The following PCDHGB2 variants were observed in gnomAD, a reference collection of about 807,000 sequenced individuals.
PCDHGB2 encodes the protein protocadherin gamma-B2.
Under a neutral mutation model 59.3 loss-of-function variants are expected in PCDHGB2, and 55 were observed. The ratio of observed to expected loss-of-function variants is 0.93; its 90% CI spans 0.75 to 1.16. The LOEUF (loss-of-function observed/expected upper bound fraction) is 1.16, where lower values mean the gene tolerates loss of function less well. PCDHGB2 is among the 50% of genes most tolerant of loss of function. PCDHGB2 has a pLI of 0.00. For missense variants in PCDHGB2, 1,228 were observed against 1,198.5 expected (o/e 1.02, Z -0.36); for synonymous variants, 516 against 512.0 (o/e 1.01, Z -0.11).
rs757308340 is a variant in PCDHGB2, at chr5:141,487,575, G to A, written c.2422-7232G>A. ...GCACCTATGGCAGGGGAGCCTGTTC[G>A]CCCAAGCTGCCCACCCTCTGATCTT... On this transcript the variant is annotated intron_variant, in intron 1 of 3. Coordinates refer to ENST00000522605, the MANE Select transcript of PCDHGB2 (RefSeq NM_018923.3). This position sits in a 1 kb window ranked among gnomAD's most constrained non-coding sequence, Gnocchi z 5.0. The A allele has an allele frequency of 3.1e-6, 5 of 1,614,018 alleles. No homozygotes were observed. In the African/African-American group the frequency reaches 4.0e-5, roughly 13 times the overall value.
At chr5:141,375,670 G>A (rs1186753190) in intron 1 of PCDHGB2, 5 of 1,614,248 alleles carry the variant, frequency 3.1e-6, no homozygotes, top group Non-Finnish European at 4.2e-6. Context: ...GAGACCTACA[G>A]CTGTGGGTGA....
At position 141,395,016 on chromosome 5, in the gene PCDHGB2, G is replaced by C. The variant is rs772379480; in HGVS notation, c.2421+32460G>C. The C allele has an allele frequency of 4.3e-6, 7 of 1,613,950 alleles. No homozygotes were observed. In the Admixed American group the frequency reaches 5.0e-5, roughly 12 times the overall value. ...GGATTCCGGTGGCAGATTGGTAGGCGTGCCTGCCTCACATTTTGTGGGTGT... is the reference window on the plus strand; with the variant it reads ...GGATTCCGGTGGCAGATTGGTAGGCCTGCCTGCCTCACATTTTGTGGGTGT... On this transcript the variant is annotated intron_variant, in intron 1 of 3. Coordinates refer to ENST00000522605, the MANE Select transcript of PCDHGB2 (RefSeq NM_018923.3).
Position 141,511,040 on chromosome 5 carries a change from C to T in PCDHGB2, c.2663C>T (p.Pro888Leu), listed in dbSNP as rs770767470. The T allele has an allele frequency of 6.2e-7, 1 of 1,614,216 alleles. No individual in the cohort carries two copies. The highest frequency in any genetic ancestry group is 1.7e-5 in the Admixed American group (1 of 60,034). Reference protein sequence around the residue: ...YGPQFTLQHVPDYRQNVYIPG... With the variant: ...YGPQFTLQHVLDYRQNVYIPG... ...CCCCAGTTCACCCTGCAGCACGTGC[C>T]CGACTACCGCCAGAATGTCTACATC... Residue 888 changes from proline (P) to leucine (L), a missense_variant, in exon 4 of 4, where the codon CCC becomes CTC. Physicochemically the swap from Pro to Leu is moderately conservative, Grantham distance 98. Transcript: ENST00000522605.
At position 141,477,830 on chromosome 5, in the gene PCDHGB2, C is replaced by T; in HGVS notation, c.2422-16977C>T. ...TGCCCCCCAGGTCCTATATCCTCGG[C>T]CAGGTGGGAGCTCGGTGGAGATGCT... is the stretch of plus-strand genomic sequence containing the variant. On this transcript the variant is annotated intron_variant, in intron 1 of 3. Transcript: ENST00000522605. The surrounding 1 kb of genome is among the most constrained non-coding windows in gnomAD (Gnocchi z 4.9). 1 of 1,614,170 alleles carries T rather than the reference C, an allele frequency of 6.2e-7. No individual in the cohort carries two copies. Among genetic ancestry groups the T allele is most frequent in the Non-Finnish European group, 8.5e-7 (1 of 1,180,038 alleles).
intron 1 of PCDHGB2, chr5:141,416,818 C>T (rs766541497): frequency 9.9e-5 from 15 of 151,960 alleles, no homozygotes; most frequent in Admixed American, 2.6e-4. Flanking sequence ...AAAAGCATTC[C>T]GAAGTTTCTC....
intron 1 of PCDHGB2, among the ~76,000 whole-genome samples, chr5:141,446,664 G>A (rs116573282): frequency 0.012 from 1,821 of 152,192 alleles, 38 homozygotes; most frequent in African/African-American, 0.042. Context: ...TTTAGTACAA[G>A]ACAGCATTTC....
intron 1 of PCDHGB2, chr5:141,396,749 A>G (rs944470602): frequency 1.3e-5 from 2 of 152,368 alleles, no homozygotes; most frequent in African/African-American, 4.8e-5. Flanking sequence ...GTAGAAGTAG[A>G]TGACCCAATA....
intron 1 of PCDHGB2, chr5:141,393,940 C>T: frequency 3.7e-6 from 6 of 1,613,928 alleles, no homozygotes; most frequent in Non-Finnish European, 5.1e-6. Flanking sequence ...GACCAAGACT[C>T]TGGAAAGAAT....
intron 1 of PCDHGB2, chr5:141,383,858 A>T: frequency 6.2e-7 from 1 of 1,613,996 alleles, no homozygotes. Flanking sequence ...ATGGAGGTTC[A>T]GGCTCAAGAT....
chr5:141,374,244 T>C, intron 1 of PCDHGB2: 3 of 1,613,992 alleles, frequency 1.9e-6, no homozygotes, highest in Non-Finnish European at 2.5e-6. Context: ...GATCTGGGAC[T>C]GGAGCCCCAG....
In PCDHGB2 at chr5:141,431,514, C is replaced by T. The variant is rs760416874; in HGVS notation, c.2422-63293C>T. ...CAGCCCGAGTACCGCGCGAGCGTTC[C>T]GGAGAATCTGGCCTTGGGCACGCAG... On this transcript the variant is annotated intron_variant, in intron 1 of 3. Transcript: ENST00000522605. This position sits in a 1 kb window ranked among gnomAD's most constrained non-coding sequence, Gnocchi z 4.8. 3.1e-6 allele frequency: 5 copies of T among 1,614,012 alleles called. No homozygotes were observed. The highest frequency in any genetic ancestry group is 1.1e-5 in the South Asian group (1 of 91,082).
At position 141,361,472 on chromosome 5, in the gene PCDHGB2, AC is replaced by A; in HGVS notation, c.1338del (p.Asn446LysfsTer47). The A allele has an allele frequency of 6.2e-7, 1 of 1,614,024 alleles. No individual in the cohort carries two copies. The highest frequency in any genetic ancestry group is 1.7e-5 in the Admixed American group (1 of 60,024). On this transcript the variant is annotated frameshift_variant, in exon 1 of 4. Coordinates refer to ENST00000522605, the MANE Select transcript of PCDHGB2 (RefSeq NM_018923.3). LOFTEE classifies it high-confidence loss of function. Reference sequence around the variant, plus strand: ...GTCACCCTGCACATCTCCGACGTCAACGATAATGCCCCAGTTTTCCAACAGA... The same window carrying A: ...GTCACCCTGCACATCTCCGACGTCAAGATAATGCCCCAGTTTTCCAACAGA... ...IIVTLHISDV[N>X]DNAPVFQQTS...
At chr5:141,400,357 T>C (rs769075513) in intron 1 of PCDHGB2, 1 of 1,614,052 alleles carries the variant, frequency 6.2e-7, no homozygotes, top group Non-Finnish European at 8.5e-7. Flanking sequence ...TCAGGGGACT[T>C]TGCCTTATTC....
chr5:141,489,428 G>A lies in PCDHGB2; in HGVS notation c.2422-5379G>A, dbSNP rs561792279. The A allele has an allele frequency of 2.5e-5, 40 of 1,614,112 alleles. No homozygotes were observed. In the Middle Eastern group the frequency reaches 4.9e-4, roughly 20 times the overall value. ...AAGATGACAGATCTGTTGAGCCGGC[G>A]GCTGCAATTGGGCTCTGAGGAGAAT... On this transcript the variant is annotated intron_variant, in intron 1 of 3. Transcript: ENST00000522605. This position sits in a 1 kb window ranked among gnomAD's most constrained non-coding sequence, Gnocchi z 4.5.
At chr5:141,395,424 T>C in intron 1 of PCDHGB2, 2 of 735,384 alleles carry the variant, frequency 2.7e-6, no homozygotes, top group Middle Eastern at 7.8e-4. Flanking sequence ...TTTCATTTGC[T>C]TTTAAACGAC....
chr5:141,486,832 A>G lies in PCDHGB2; in HGVS notation c.2422-7975A>G. 2.5e-6 allele frequency: 4 copies of G among 1,614,182 alleles called. No individual in the cohort carries two copies. Among genetic ancestry groups the G allele is most frequent in the South Asian group, 1.1e-5 (1 of 91,082 alleles). ...TTAGCAGCACTGTAACAGTTCGTCT[A>G]TTTGTGCTGGACCTCAATGACAATG... On this transcript the variant is annotated intron_variant, in intron 1 of 3. Transcript: ENST00000522605. The surrounding 1 kb of genome is among the most constrained non-coding windows in gnomAD (Gnocchi z 5.0).
rs375228847 is a variant in PCDHGB2, at chr5:141,431,219, C to G, written c.2422-63588C>G. ...TGCAGCCACTGAGATGCGGTTCCCTCTACCCCACGCCTGGGATCCGGATAT... is the reference window on the plus strand; with the variant it reads ...TGCAGCCACTGAGATGCGGTTCCCTGTACCCCACGCCTGGGATCCGGATAT... On this transcript the variant is annotated intron_variant, in intron 1 of 3. Coordinates refer to ENST00000522605, the MANE Select transcript of PCDHGB2 (RefSeq NM_018923.3). This position sits in a 1 kb window ranked among gnomAD's most constrained non-coding sequence, Gnocchi z 4.8. 2.5e-6 allele frequency: 4 copies of G among 1,614,180 alleles called. No individual in the cohort carries two copies. The highest frequency in any genetic ancestry group is 1.6e-4 in the Middle Eastern group (1 of 6,062).
chr5:141,394,679 C>T (rs532730881), intron 1 of PCDHGB2: 1 of 1,612,552 alleles, frequency 6.2e-7, no homozygotes, highest in African/African-American at 1.3e-5. Context: ...TGGGTCTGCA[C>T]ACGGGCGAGG....
chr5:141,391,314 T>C (rs2092347404), intron 1 of PCDHGB2: 1 of 151,522 alleles, frequency 6.6e-6, no homozygotes, highest in Non-Finnish European at 1.5e-5. Flanking sequence ...TTCTTTTTTT[T>C]TTCTTTTTTT....
Sources: allele counts gnomAD v4.1 joint callset (sites outside exome capture counted in the v4.1 genomes callset), GRCh38; gene constraint gnomAD v4.1.1; non-coding constraint Gnocchi (gnomAD v3.1); transcripts MANE v1.5; gene names NCBI Gene and HGNC (gene_info 2026-07-23, HGNC 2026-07-21).